The following ENTPD4 variants were observed in gnomAD, a reference collection of about 807,000 sequenced individuals.
ENTPD4 encodes the protein Golgi UDPase.
In ENTPD4, 60 loss-of-function variants were observed where a neutral mutation model predicts 79.1. That is an observed-to-expected ratio of 0.76 (90% CI 0.62 to 0.94). The LOEUF is 0.94. Ranked by LOEUF, ENTPD4 falls within the 40% of genes least tolerant of loss-of-function variation. ENTPD4 has a pLI of 0.00. For synonymous variants in ENTPD4, 276 were observed against 292.0 expected (o/e 0.95, Z 0.56); for missense variants, 772 against 775.1 (o/e 1.00, Z 0.05).
At chr8:23,437,290 C>A (rs753895004) in intron 9 of ENTPD4, 32 bp from the exon 10 acceptor site, 3 of 1,513,352 alleles carry the variant, frequency 2.0e-6, no homozygotes, top group South Asian at 1.3e-5. Flanking sequence ...CATCGTGAGT[C>A]CTACAGAAAA....
intron 2 of ENTPD4, 42 bp from the exon 3 acceptor site, chr8:23,448,981 A>G (rs1477630029): frequency 1.3e-6 from 2 of 1,515,312 alleles, no homozygotes; most frequent in East Asian, 2.3e-5. Context: ...ATCTGCTCCA[A>G]TGAGGCTTCC....
chr8:23,436,980 C>A lies in ENTPD4; in HGVS notation c.1328G>T (p.Arg443Leu). Residue 443 changes from arginine (R) to leucine (L), a missense_variant, in exon 10 of 13, where the codon CGA becomes CTA. By Grantham distance (102) the Arg-to-Leu change is moderately radical. Transcript: ENST00000358689. ...EFYYCTEDVL[R>L]MGGDYNAAKF... The stretch of plus-strand genomic sequence containing the variant: ...AGCAGCATTGTAGTCTCCCCCCATT[C>A]GTAACACATCCTCGGTGCAGTAGTA... 1 of 1,612,050 alleles carries A rather than the reference C, an allele frequency of 6.2e-7. No individual in the cohort carries two copies. The highest frequency in any genetic ancestry group is 8.5e-7 in the Non-Finnish European group (1 of 1,178,994).
rs750124299 is a variant in ENTPD4 at position 23,442,021 on chromosome 8, T to C, written c.713A>G (p.Glu238Gly). The C allele has an allele frequency of 1.2e-5, 20 of 1,613,356 alleles. No individual in the cohort carries two copies. Among genetic ancestry groups the C allele is most frequent in the Non-Finnish European group, 1.6e-5 (19 of 1,179,452 alleles). ...ATGACACTTACCATCTTCAATATGC[T>C]CAAATCGTCCAAGGACAAAATTAAT... ...IGINFVLGRF[E>G]HIEDDDEAVV... The change falls in exon 7 of 13, where the codon GAG becomes GGG. Residue 238 changes from glutamate to glycine, a missense_variant. Physicochemically the swap from Glu to Gly is moderately conservative, Grantham distance 98. Coordinates refer to ENST00000358689, the MANE Select transcript of ENTPD4 (RefSeq NM_004901.5).
rs1031589656 is a variant in ENTPD4, at chr8:23,457,614, C to A, written c.-155G>T. The A allele has an allele frequency of 5.3e-5, 8 of 151,830 alleles. No homozygotes were observed. The highest frequency in any genetic ancestry group is 1.9e-4 in the African/African-American group (8 of 41,400). 9.4% of individuals were successfully genotyped at this position (151,830 alleles called of 1,614,324 possible). A position where few individuals can be genotyped will look rare whatever the true frequency, so the allele number is the denominator to read the frequency against. ...GGACCACCAGTGGGCAGCATCACGG[C>A]CAGCCGGCTTCCTGGAGGCCGCGCT... is the stretch of plus-strand genomic sequence containing the variant. On this transcript the variant is annotated 5_prime_UTR_variant, in exon 1 of 13. Coordinates refer to ENST00000358689, the MANE Select transcript of ENTPD4 (RefSeq NM_004901.5).
chr8:23,441,376 T>G, intron 8 of ENTPD4, 193 bp downstream of exon 8: 2 of 982,922 alleles, frequency 2.0e-6, no homozygotes, highest in South Asian at 4.7e-5. Flanking sequence ...AACCAGCTGA[T>G]TTCAATGAAC....
At chr8:23,450,163 T>C (rs1014054114) in intron 1 of ENTPD4, among the ~76,000 whole-genome samples, 166 bp from the exon 2 acceptor site, 1 of 152,220 alleles carries the variant, frequency 6.6e-6, no homozygotes, top group Non-Finnish European at 1.5e-5. Flanking sequence ...GTTAATTTCA[T>C]ACTGTCCAAT....
intron 2 of ENTPD4, among the ~76,000 whole-genome samples, chr8:23,449,545 A>G (rs1451033756): frequency 6.6e-6 from 1 of 152,192 alleles, no homozygotes; most frequent in African/African-American, 2.4e-5. Flanking sequence ...TATGTCCTGT[A>G]CTTTTAGAAA....
At chr8:23,439,621 G>A in intron 9 of ENTPD4, 128 bp downstream of exon 9, 1 of 827,028 alleles carries the variant, frequency 1.2e-6, no homozygotes, top group Non-Finnish European at 2.0e-6. Context: ...TCAGCTAGTG[G>A]GGGAATAAAA....
intron 1 of ENTPD4, among the ~76,000 whole-genome samples, chr8:23,452,046 T>C (rs534494613): frequency 1.3e-5 from 2 of 152,332 alleles, no homozygotes; most frequent in South Asian, 4.1e-4. Flanking sequence ...CACAACACTT[T>C]ATGGATGAGG....
chr8:23,441,244 T>A, intron 8 of ENTPD4: 1 of 183,366 alleles, frequency 5.5e-6, no homozygotes, highest in Non-Finnish European at 1.0e-5. Context: ...AAAAATCAGA[T>A]GTTATTATTT....
chr8:23,453,609 T>C (rs894480666), intron 1 of ENTPD4, among the ~76,000 whole-genome samples: 1 of 152,182 alleles, frequency 6.6e-6, no homozygotes, highest in Non-Finnish European at 1.5e-5. Context: ...AGCTATCATA[T>C]TGACAGACAT....
chr8:23,440,951 G>A lies in ENTPD4; in HGVS notation c.882+618C>T, dbSNP rs1231253299. ...ACGCTATGCTGCCGCCCACCTTTGA[G>A]GGGAAAATCCAGAAAGCTAGGCTTT... On this transcript the variant is annotated intron_variant, in intron 8 of 12. Coordinates refer to ENST00000358689, the MANE Select transcript of ENTPD4 (RefSeq NM_004901.5). Among the ~76,000 whole-genome samples, 11 of 152,216 alleles carry A rather than the reference G, an allele frequency of 7.2e-5. No individual in the cohort carries two copies. In the East Asian group the frequency reaches 1.9e-3, roughly 27 times the overall value.
Position 23,434,349 on chromosome 8 carries a change from G to C in ENTPD4, c.1590C>G (p.Ala530=), listed in dbSNP as rs150311980. 17 of 1,614,076 alleles carry C rather than the reference G, an allele frequency of 1.1e-5. No individual in the cohort carries two copies. Among genetic ancestry groups the C allele is most frequent in the Non-Finnish European group, 1.4e-5 (16 of 1,180,036 alleles). ...YDKEVQWTLG[A]ILYRTRFLPL... ...GTAGAAAGCGGGTCCTGTAGAGGATGGCTCCAAGGGTCCACTGAACCTCCT... is the reference window on the plus strand; with the variant it reads ...GTAGAAAGCGGGTCCTGTAGAGGATCGCTCCAAGGGTCCACTGAACCTCCT... Residue 530 remains alanine (A), a synonymous_variant, in exon 12 of 13, where the codon GCC becomes GCG. Coordinates refer to ENST00000358689, the MANE Select transcript of ENTPD4 (RefSeq NM_004901.5).
At chr8:23,447,568 T>C (rs1800783377) in intron 4 of ENTPD4, 112 bp downstream of exon 4, 4 of 839,056 alleles carry the variant, frequency 4.8e-6, no homozygotes, top group Admixed American at 3.7e-5. Flanking sequence ...CATCAGGTCC[T>C]GGTGTGAGGT....
rs1189209912 is a variant in ENTPD4 at position 23,430,388 on chromosome 8, G to A, written c.*2538C>T. 3.0e-6 allele frequency: 3 copies of A among 985,430 alleles called. No homozygotes were observed. Among genetic ancestry groups the A allele is most frequent in the Non-Finnish European group, 3.6e-6 (3 of 829,922 alleles). 61.0% of individuals were successfully genotyped at this position (985,430 alleles called of 1,614,324 possible). ...GTGCAACAAATATTTTAAGATTGAA[G>A]TTTGGTTACTTCTCTTGTCCATCTT... On this transcript the variant is annotated 3_prime_UTR_variant, in exon 13 of 13. Coordinates refer to ENST00000358689, the MANE Select transcript of ENTPD4 (RefSeq NM_004901.5).
intron 8 of ENTPD4, 79 bp from the exon 9 acceptor site, chr8:23,439,994 C>A: frequency 7.7e-7 from 1 of 1,301,954 alleles, no homozygotes; most frequent in South Asian, 1.3e-5. Flanking sequence ...TAAAAATAGT[C>A]TCATCTAAAA....
Position 23,432,793 on chromosome 8 carries a change from C to T in ENTPD4, c.*133G>A. ...GATTACAGGCGTGAGCCACCGCGCT[C>T]GGCCTGCATTTTGTTTTTGTTTGGA... On this transcript the variant is annotated 3_prime_UTR_variant, in exon 13 of 13. Transcript: ENST00000358689. The T allele has an allele frequency of 1.5e-5, 22 of 1,438,828 alleles. No homozygotes were observed. Among genetic ancestry groups the T allele is most frequent in the East Asian group, 2.5e-5 (1 of 40,028 alleles). The allele number at this position is 1,438,828 out of a possible 1,614,324, so 89.1% of individuals were successfully genotyped here.
Position 23,437,187 on chromosome 8 carries a change from T to G in ENTPD4, c.1121A>C (p.Lys374Thr), listed in dbSNP as rs1389083928. 1 of 1,614,054 alleles carries G rather than the reference T, an allele frequency of 6.2e-7. No individual in the cohort carries two copies. The highest frequency in any genetic ancestry group is 1.3e-5 in the African/African-American group (1 of 74,920). The change falls in exon 10 of 13, where the codon AAA becomes ACA. Residue 374 changes from lysine to threonine, a missense_variant. By Grantham distance (78) the Lys-to-Thr change is moderately conservative. Coordinates refer to ENST00000358689, the MANE Select transcript of ENTPD4 (RefSeq NM_004901.5). ...TTGTCCATTTTGCTGGATTTCATCT[T>G]TAATGTCTAGGGGTAGGCAGGGGTC... ...YLDPCLPLDI[K>T]DEIQQNGQTI... is the part of the protein sequence containing the mutation.
Position 23,429,218 on chromosome 8 carries a change from G to A in ENTPD4, c.*3708C>T. The A allele has an allele frequency of 2.0e-6, 2 of 985,106 alleles. No individual in the cohort carries two copies. The highest frequency in any genetic ancestry group is 2.4e-6 in the Non-Finnish European group (2 of 829,648). 61.0% of individuals were successfully genotyped at this position (985,106 alleles called of 1,614,324 possible). The stretch of plus-strand genomic sequence containing the variant: ...TCAGTACCCAAGTGTGGCACTGTAA[G>A]GCTGCCACATACAGCAAGTGACATG... On this transcript the variant is annotated 3_prime_UTR_variant, in exon 13 of 13. Coordinates refer to ENST00000358689, the MANE Select transcript of ENTPD4 (RefSeq NM_004901.5).
Sources: gnomAD v4.1 joint callset for allele counts (sites outside exome capture counted in the v4.1 genomes callset) on GRCh38, gnomAD v4.1.1 for gene constraint, MANE v1.5 for transcripts, NCBI Gene and HGNC (gene_info 2026-07-23, HGNC 2026-07-21) for gene names.